STK32B: variants seen among roughly 807,000 people sequenced by gnomAD.
STK32B encodes serine/threonine kinase 32B.
In STK32B, 43 loss-of-function variants were observed where a neutral mutation model predicts 52.6. The observed-to-expected ratio is 0.82, with a 90% CI of 0.64 to 1.05. The LOEUF (loss-of-function observed/expected upper bound fraction) is 1.05. STK32B is among the 50% of genes least tolerant of loss of function. STK32B has a pLI of 0.00. For missense variants in STK32B, 621 were observed against 534.6 expected, an observed-to-expected ratio of 1.16 and a Z score of -1.59; for synonymous variants, 238 against 204.3, an observed-to-expected ratio of 1.17 and a Z score of -1.41.
the STK32B span, among the ~76,000 whole-genome samples, chr4:5,025,456 G>A: frequency 1.3e-5 from 2 of 152,152 alleles, no homozygotes; most frequent in African/African-American, 4.8e-5. Flanking sequence ...TTAGACACCT[G>A]CAGCTCAGCT....
At chr4:5,245,563 C>T (rs575238488) in intron 3 of STK32B, among the ~76,000 whole-genome samples, 1 of 152,088 alleles carries the variant, frequency 6.6e-6, no homozygotes, top group African/African-American at 2.4e-5. Context: ...GAGCATTTAG[C>T]CCATTTACAT....
In STK32B at chr4:5,309,778, C is replaced by T. The variant is rs1206499983; in HGVS notation, c.261-21442C>T. Among the ~76,000 whole-genome samples the T allele has an allele frequency of 9.2e-5, 14 of 152,144 alleles. 1 individual carries two copies. The highest frequency in any genetic ancestry group is 2.1e-4 in the Non-Finnish European group (14 of 68,032). ...TGTAATACCTGAATCTGTGAAACTT[C>T]TGGAAGAAAATATAGGGGAAATGCT... On this transcript the variant is annotated intron_variant, in intron 3 of 11. Transcript: ENST00000282908.
chr4:5,179,541 CTAGAT>C (rs1252660190), intron 3 of STK32B, among the ~76,000 whole-genome samples: 1 of 152,006 alleles, frequency 6.6e-6, no homozygotes, highest in East Asian at 1.9e-4. Flanking sequence ...AAATGATAGA[CTAGAT>C]TAACAGATGA....
intron 2 of STK32B, among the ~76,000 whole-genome samples, chr4:5,162,327 T>TA (rs1397514996): frequency 2.6e-5 from 4 of 152,130 alleles, no homozygotes; most frequent in African/African-American, 9.7e-5. Flanking sequence ...GGGATACATC[T>TA]AAAAAAATAC....
the STK32B span, among the ~76,000 whole-genome samples, chr4:5,038,201 T>C: frequency 2.0e-5 from 3 of 152,206 alleles, no homozygotes; most frequent in Non-Finnish European, 4.4e-5. Context: ...CAGCTGTTCA[T>C]TCATTCTTTC....
intron 8 of STK32B, among the ~76,000 whole-genome samples, chr4:5,457,183 G>A (rs1182746896): frequency 2.6e-5 from 4 of 151,332 alleles, no homozygotes; most frequent in African/African-American, 7.3e-5. Context: ...CCTAATAAAC[G>A]GAAATAATGC....
chr4:5,170,482 C>G (rs931104239), intron 3 of STK32B, among the ~76,000 whole-genome samples: 1 of 151,778 alleles, frequency 6.6e-6, no homozygotes, highest in Non-Finnish European at 1.5e-5. Context: ...ACAACAGTCT[C>G]TGGAGTGTGA....
intron 1 of STK32B, among the ~76,000 whole-genome samples, chr4:5,120,548 A>G (rs944061994): frequency 3.3e-5 from 5 of 152,242 alleles, no homozygotes; most frequent in Non-Finnish European, 5.9e-5. Flanking sequence ...AAAACAGTAT[A>G]TATAGGATTC....
At chr4:5,295,678 G>A (rs1179012523) in intron 3 of STK32B, among the ~76,000 whole-genome samples, 1 of 151,754 alleles carries the variant, frequency 6.6e-6, no homozygotes, top group Non-Finnish European at 1.5e-5. Flanking sequence ...CTCTTCATTA[G>A]TCTGGCTAGC....
chr4:5,248,723 A>ACAC (rs1725650162), intron 3 of STK32B, among the ~76,000 whole-genome samples: 1 of 152,220 alleles, frequency 6.6e-6, no homozygotes, highest in Non-Finnish European at 1.5e-5. Flanking sequence ...TGGCACATAT[A>ACAC]CACCGTGGAA....
chr4:5,246,978 C>T (rs772439582), intron 3 of STK32B, among the ~76,000 whole-genome samples: 11 of 152,164 alleles, frequency 7.2e-5, no homozygotes, highest in African/African-American at 1.2e-4. Context: ...TGCCGGTCCG[C>T]CCCTACTGGG....
chr4:5,083,683 A>C (rs1252153930), intron 1 of STK32B, among the ~76,000 whole-genome samples: 3 of 152,178 alleles, frequency 2.0e-5, no homozygotes, highest in Non-Finnish European at 4.4e-5. Context: ...TAAATGACAA[A>C]AGGAAGAGAT....
chr4:5,025,641 T>C, the STK32B span, among the ~76,000 whole-genome samples: 12 of 152,196 alleles, frequency 7.9e-5, no homozygotes, highest in African/African-American at 2.9e-4. Flanking sequence ...CATGGATGTA[T>C]TGGCTTTCTG....
chr4:5,261,655 A>G (rs139281305), intron 3 of STK32B, among the ~76,000 whole-genome samples: 160 of 152,336 alleles, frequency 1.1e-3, no homozygotes, highest in African/African-American at 3.7e-3. Flanking sequence ...CCCCAATTTC[A>G]TCCTTAAAAT....
At chr4:5,397,180 A>G (rs186705022) in intron 4 of STK32B, among the ~76,000 whole-genome samples, 1 of 152,356 alleles carries the variant, frequency 6.6e-6, no homozygotes, top group African/African-American at 2.4e-5. Flanking sequence ...GAAAGCTATC[A>G]TTAGTCTCAG....
rs577184388 is a variant in STK32B at position 5,473,582 on chromosome 4, G to A, written c.1106+5512G>A. On this transcript the variant is annotated intron_variant, in intron 11 of 11. Coordinates refer to ENST00000282908, the MANE Select transcript of STK32B (RefSeq NM_018401.3). ...GAGACAGTGTGGCTCCAGAGCCCCA[G>A]GCTGAATCAAAATAGCCCCTGGCCA... Among the ~76,000 whole-genome samples the A allele has an allele frequency of 4.6e-5, 7 of 152,320 alleles. No homozygotes were observed. The South Asian group carries it at 1.4e-3, about 32-fold the overall frequency.
At chr4:5,405,552 GAA>G (rs1560386072) in intron 5 of STK32B, among the ~76,000 whole-genome samples, 1 of 152,114 alleles carries the variant, frequency 6.6e-6, no homozygotes, top group Non-Finnish European at 1.5e-5. Flanking sequence ...AATTTATGAA[GAA>G]AAGAGGTTTA....
chr4:5,421,224 G>T (rs1002198067), intron 6 of STK32B, among the ~76,000 whole-genome samples: 4 of 152,128 alleles, frequency 2.6e-5, no homozygotes, highest in African/African-American at 9.7e-5. Flanking sequence ...CAAGTAGCTG[G>T]GACTACAGGC....
chr4:5,170,230 G>A lies in STK32B; in HGVS notation c.260+1780G>A, dbSNP rs186662462. Among the ~76,000 whole-genome samples the A allele has an allele frequency of 2.9e-3, 435 of 152,304 alleles. 1 individual carries two copies. The highest frequency in any genetic ancestry group is 9.8e-3 in the African/African-American group (406 of 41,580). On this transcript the variant is annotated intron_variant, in intron 3 of 11. Transcript: ENST00000282908. ...GTGGACTAAGAAGATCAGATGCCTA[G>A]TGGAGCTTGTATGATGTATGTTAAA... is the stretch of plus-strand genomic sequence containing the variant.
Sources: allele counts gnomAD v4.1 joint callset (sites outside exome capture counted in the v4.1 genomes callset), GRCh38; gene constraint gnomAD v4.1.1; transcripts MANE v1.5; gene names NCBI Gene and HGNC (gene_info 2026-07-23, HGNC 2026-07-21).